The following P3H2 variants were observed in gnomAD, a reference collection of about 807,000 sequenced individuals.
The protein encoded by P3H2 is prolyl 3-hydroxylase 2.
A neutral mutation model predicts 87.0 loss-of-function variants in P3H2; 80 were observed. That is an observed-to-expected ratio of 0.92 (90% CI 0.77 to 1.11). P3H2 has a LOEUF of 1.11. Among genes scored for constraint, P3H2 ranks in the 50% least tolerant of loss-of-function variants. The probability of loss-of-function intolerance (pLI) is 0.00; values close to 1 mark genes in which losing one functional copy is unlikely to be tolerated. For synonymous variants in P3H2, 367 were observed against 359.3 expected, an observed-to-expected ratio of 1.02 and a Z score of -0.24; for missense variants, 1,001 against 923.9, an observed-to-expected ratio of 1.08 and a Z score of -1.08.
At chr3:190,107,276 T>C (rs1014732435) in intron 1 of P3H2, among the ~76,000 whole-genome samples, 4 of 152,230 alleles carry the variant, frequency 2.6e-5, no homozygotes, top group South Asian at 2.1e-4. Context: ...TTTATACCTA[T>C]TGAGGTAAAA....
chr3:190,050,078 AT>A (rs1345211751), intron 1 of P3H2, among the ~76,000 whole-genome samples: 1 of 152,188 alleles, frequency 6.6e-6, no homozygotes, highest in Non-Finnish European at 1.5e-5. Context: ...AAAAATGCTA[AT>A]ATAAATCAAT....
intron 8 of P3H2, among the ~76,000 whole-genome samples, chr3:189,975,065 A>G (rs1577249236): frequency 6.6e-6 from 1 of 152,242 alleles, no homozygotes. Flanking sequence ...CACAGATTGC[A>G]TGTTTGGGTC....
chr3:190,019,071 T>C (rs1227250933), intron 1 of P3H2, among the ~76,000 whole-genome samples: 2 of 152,182 alleles, frequency 1.3e-5, no homozygotes, highest in Admixed American at 6.5e-5. Context: ...AAGCCTGCCT[T>C]GAGAAAGCCA....
chr3:189,981,272 C>T (rs1472483358), intron 8 of P3H2, among the ~76,000 whole-genome samples: 1 of 152,196 alleles, frequency 6.6e-6, no homozygotes, highest in Non-Finnish European at 1.5e-5. Context: ...ACAACTTATA[C>T]TTGCAATTGG....
At chr3:189,961,152 GCTGGTTTCGAACC>G (rs1722800048) in intron 14 of P3H2, among the ~76,000 whole-genome samples, 1 of 152,080 alleles carries the variant, frequency 6.6e-6, no homozygotes, top group Non-Finnish European at 1.5e-5. Context: ...TGTTGGCCAG[GCTGGTTTCGAACC>G]CCTGACCTCA....
At chr3:190,027,276 A>T (rs1216708564) in intron 1 of P3H2, among the ~76,000 whole-genome samples, 1 of 152,232 alleles carries the variant, frequency 6.6e-6, no homozygotes, top group Non-Finnish European at 1.5e-5. Context: ...CCAACAGATA[A>T]TACTATACCA....
intron 3 of P3H2, 53 bp downstream of exon 3, chr3:189,994,041 A>C: frequency 7.4e-7 from 1 of 1,358,474 alleles, no homozygotes; most frequent in Non-Finnish European, 1.0e-6. Flanking sequence ...TACAAATTGC[A>C]AGTAGTATTT....
At chr3:190,096,963 T>C (rs1299105806) in intron 1 of P3H2, among the ~76,000 whole-genome samples, 13 of 152,218 alleles carry the variant, frequency 8.5e-5, no homozygotes. Flanking sequence ...ACTTCAAATC[T>C]GAACAGACAG....
At chr3:189,998,625 CTTT>C (rs1231028458) in intron 1 of P3H2, among the ~76,000 whole-genome samples, 1 of 152,234 alleles carries the variant, frequency 6.6e-6, no homozygotes, top group East Asian at 1.9e-4. Context: ...GTATATTAAT[CTTT>C]TTATTTTCTA....
intron 1 of P3H2, among the ~76,000 whole-genome samples, chr3:190,090,354 T>G (rs1727367156): frequency 6.6e-6 from 1 of 152,128 alleles, no homozygotes; most frequent in Non-Finnish European, 1.5e-5. Flanking sequence ...AAATAAACAT[T>G]TTATGGACAT....
At chr3:190,056,134 A>G (rs1168587695) in intron 1 of P3H2, among the ~76,000 whole-genome samples, 1 of 152,200 alleles carries the variant, frequency 6.6e-6, no homozygotes, top group Non-Finnish European at 1.5e-5. Context: ...GTCCATGTGA[A>G]GGACGTAGTG....
At chr3:190,056,260 A>G (rs1330057737) in intron 1 of P3H2, among the ~76,000 whole-genome samples, 1 of 152,138 alleles carries the variant, frequency 6.6e-6, no homozygotes, top group Admixed American at 6.5e-5. Flanking sequence ...TCTGTTGTTC[A>G]AGTCATCCAG....
At chr3:190,050,127 A>C (rs1055141833) in intron 1 of P3H2, among the ~76,000 whole-genome samples, 1 of 152,186 alleles carries the variant, frequency 6.6e-6, no homozygotes, top group African/African-American at 2.4e-5. Flanking sequence ...AATTTTCCCC[A>C]TGTGAACAAA....
In P3H2 at chr3:189,988,814, G is replaced by A. The variant is rs566446074; in HGVS notation, c.955+93C>T. 1.0e-3 allele frequency: 1,461 copies of A among 1,455,188 alleles called. 2 individuals carry two copies. Among genetic ancestry groups the A allele is most frequent in the Non-Finnish European group, 1.3e-3 (1,325 of 1,036,458 alleles). 90.1% of individuals were successfully genotyped at this position (1,455,188 alleles called of 1,614,324 possible). A position where few individuals can be genotyped will look rare whatever the true frequency, so the allele number is the denominator to read the frequency against. On this transcript the variant is annotated intron_variant, in intron 4 of 14. Transcript: ENST00000319332. Reference sequence around the variant, plus strand: ...ATTCCTATTGCTTTCATAATAAACTGAAGAAGTCAGAAAACTCAATTACAA... The same window carrying A: ...ATTCCTATTGCTTTCATAATAAACTAAAGAAGTCAGAAAACTCAATTACAA...
At chr3:190,097,428 TACAA>T (rs1458889045) in intron 1 of P3H2, among the ~76,000 whole-genome samples, 4 of 152,066 alleles carry the variant, frequency 2.6e-5, no homozygotes, top group African/African-American at 7.2e-5. Flanking sequence ...GACTTATACC[TACAA>T]ACAAACAGAC....
At chr3:189,969,843 T>C in intron 13 of P3H2, 2 of 1,513,920 alleles carry the variant, frequency 1.3e-6, no homozygotes, top group Non-Finnish European at 1.8e-6. Flanking sequence ...ATGGCAGTGG[T>C]GGTGGTGCTT....
chr3:189,983,117 TC>T lies in P3H2; in HGVS notation c.1252del (p.Glu418ArgfsTer18), dbSNP rs745794064. 4 of 1,613,886 alleles carry T rather than the reference TC, an allele frequency of 2.5e-6. No homozygotes were observed. The East Asian group carries it at 8.9e-5, about 36-fold the overall frequency. On this transcript the variant is annotated frameshift_variant, in exon 8 of 15. Coordinates refer to ENST00000319332, the MANE Select transcript of P3H2 (RefSeq NM_018192.4). LOFTEE classifies it high-confidence loss of function. ...TGAGAATCCATGAACTTCTGCTCCC[TC>T]TACGTTCACTCCTGAAGGGACCCTG... is the stretch of plus-strand genomic sequence containing the variant. ...ENRVPSGVNV[E>X]GAEVHGFSMG...
In P3H2 at chr3:190,069,793, A is replaced by C. The variant is rs371123926; in HGVS notation, c.480+50459T>G. Among the ~76,000 whole-genome samples, 8 of 152,358 alleles carry C rather than the reference A, an allele frequency of 5.3e-5. No homozygotes were observed. The East Asian group carries it at 9.6e-4, about 18-fold the overall frequency. ...TAACAGGCCAAGAAAGCTGATGGCCAGTAACTGACCATTGGCTCTAGCAAG... is the reference window on the plus strand; with the variant it reads ...TAACAGGCCAAGAAAGCTGATGGCCCGTAACTGACCATTGGCTCTAGCAAG... On this transcript the variant is annotated intron_variant, in intron 1 of 14. Transcript: ENST00000319332.
At chr3:190,076,224 C>T (rs1417860161) in intron 1 of P3H2, among the ~76,000 whole-genome samples, 1 of 151,822 alleles carries the variant, frequency 6.6e-6, no homozygotes, top group Non-Finnish European at 1.5e-5. Context: ...CAATTAAACA[C>T]AAGTGTCCTT....
Sources: gnomAD v4.1 joint callset for allele counts (sites outside exome capture counted in the v4.1 genomes callset) on GRCh38, gnomAD v4.1.1 for gene constraint, MANE v1.5 for transcripts, NCBI Gene and HGNC (gene_info 2026-07-23, HGNC 2026-07-21) for gene names.